Variants in AMN1 observed in about 807,000 individuals in gnomAD.
AMN1 encodes the protein antagonist of mitotic exit network 1 homolog, also known as protein AMN1 homolog.
AMN1 carries 20 observed loss-of-function variants against 33.0 expected under a neutral mutation model. That is an observed-to-expected ratio of 0.61 (90% CI 0.43 to 0.88). The LOEUF (loss-of-function observed/expected upper bound fraction) is 0.88. Ranked by LOEUF, AMN1 falls within the 40% of genes least tolerant of loss-of-function variation. AMN1 has a pLI of 0.00. For missense variants in AMN1, 246 were observed against 307.4 expected (o/e 0.80, Z 1.49); for synonymous variants, 114 against 111.9 (o/e 1.02, Z -0.12).
chr12:31,690,857 T>C (rs1938468503), intron 5 of AMN1, among the ~76,000 whole-genome samples: 3 of 152,158 alleles, frequency 2.0e-5, no homozygotes, highest in African/African-American at 7.2e-5. Flanking sequence ...AAAAAGGGGC[T>C]GAGTGTGGTG....
rs998025780 is a variant in AMN1 at position 31,683,840 on chromosome 12, T to C, written c.703+5167A>G. The stretch of plus-strand genomic sequence containing the variant: ...TGTAAGGTTATTCTTATTTGAGTAC[T>C]TGGCAGACTATTTCATGAAAATAGA... On this transcript the variant is annotated intron_variant, in intron 6 of 6. Transcript: ENST00000281471. The surrounding 1 kb of genome is among the most constrained non-coding windows in gnomAD (Gnocchi z 4.1). Among the ~76,000 whole-genome samples the C allele has an allele frequency of 1.3e-5, 2 of 152,190 alleles. No individual in the cohort carries two copies. The highest frequency in any genetic ancestry group is 4.8e-5 in the African/African-American group (2 of 41,440).
chr12:31,728,100 G>C (rs1435059200), intron 1 of AMN1, among the ~76,000 whole-genome samples: 1 of 152,018 alleles, frequency 6.6e-6, no homozygotes, highest in Non-Finnish European at 1.5e-5. Context: ...AGCTCAAGCA[G>C]TTCTCCCACC....
In AMN1 at chr12:31,687,571, T is replaced by C. The variant is rs1938318987; in HGVS notation, c.703+1436A>G. Among the ~76,000 whole-genome samples the C allele has an allele frequency of 6.6e-6, 1 of 151,714 alleles. No homozygotes were observed. On this transcript the variant is annotated intron_variant, in intron 6 of 6. Coordinates refer to ENST00000281471, the MANE Select transcript of AMN1 (RefSeq NM_001113402.2). The surrounding 1 kb of genome is among the most constrained non-coding windows in gnomAD (Gnocchi z 4.1). Reference sequence around the variant, plus strand: ...GGTGGCATGCGCCTGTAGTCCCAGCTACTTGGGAGGCTGAGGCAGGAGAAT... The same window carrying C: ...GGTGGCATGCGCCTGTAGTCCCAGCCACTTGGGAGGCTGAGGCAGGAGAAT...
rs1347620896 is a variant in AMN1, at chr12:31,728,976, C to T, written c.33G>A (p.Leu11=). The T allele has an allele frequency of 1.3e-6, 2 of 1,546,608 alleles. No homozygotes were observed. The highest frequency in any genetic ancestry group is 1.7e-6 in the Non-Finnish European group (2 of 1,143,992). The change falls in exon 1 of 7, where the codon CTG becomes CTA. Residue 11 remains leucine (L), a synonymous_variant. Coordinates refer to ENST00000281471, the MANE Select transcript of AMN1 (RefSeq NM_001113402.2). ...GCGGGACAGGGTAGACTCACAGATC[C>T]AGGAGCTGACTGACCCGCCGTGGGC... The part of the protein sequence containing the change: MPRPRRVSQL[L]DLCLWCFMKN...
At chr12:31,677,217 G>A (rs1158864255) in intron 6 of AMN1, among the ~76,000 whole-genome samples, 1 of 152,078 alleles carries the variant, frequency 6.6e-6, no homozygotes, top group Non-Finnish European at 1.5e-5. Flanking sequence ...GGAGAATGGC[G>A]TGAACCTGGG....
intron 1 of AMN1, among the ~76,000 whole-genome samples, chr12:31,726,139 G>A (rs1006509810): frequency 6.6e-6 from 1 of 150,576 alleles, no homozygotes; most frequent in Non-Finnish European, 1.5e-5. Context: ...TGTCAACGAA[G>A]CTAAAACTAA....
intron 1 of AMN1, among the ~76,000 whole-genome samples, chr12:31,710,470 GT>G (rs1482154733): frequency 6.6e-6 from 1 of 151,664 alleles, no homozygotes; most frequent in African/African-American, 2.4e-5. Flanking sequence ...TTCCTACACA[GT>G]TTCCTCTCTT....
chr12:31,703,308 A>G (rs1204899064), intron 2 of AMN1, among the ~76,000 whole-genome samples: 1 of 152,184 alleles, frequency 6.6e-6, no homozygotes, highest in African/African-American at 2.4e-5. Flanking sequence ...GCTTTTTAAA[A>G]CTGTTAGATT....
chr12:31,689,983 C>A lies in AMN1; in HGVS notation c.592-865G>T, dbSNP rs1025840880. 7.2e-5 allele frequency among the ~76,000 whole-genome samples: 11 copies of A among 152,306 alleles called. 1 individual carries two copies. Among genetic ancestry groups the A allele is most frequent in the East Asian group, 1.9e-4 (1 of 5,188 alleles). ...GCATTTGCATCCTCATAATTTAGCTCCTACTTATGAGTGAGAACGTATGAT... is the reference window on the plus strand; with the variant it reads ...GCATTTGCATCCTCATAATTTAGCTACTACTTATGAGTGAGAACGTATGAT... On this transcript the variant is annotated intron_variant, in intron 5 of 6. Coordinates refer to ENST00000281471, the MANE Select transcript of AMN1 (RefSeq NM_001113402.2).
At chr12:31,686,897 A>G (rs1243275020) in intron 6 of AMN1, among the ~76,000 whole-genome samples, 1 of 152,216 alleles carries the variant, frequency 6.6e-6, no homozygotes, top group Non-Finnish European at 1.5e-5. Context: ...AATAATCCAC[A>G]TGATATAAAA....
intron 6 of AMN1, among the ~76,000 whole-genome samples, chr12:31,678,890 T>G (rs1320019411): frequency 2.0e-5 from 3 of 152,094 alleles, no homozygotes; most frequent in Non-Finnish European, 4.4e-5. Context: ...AATGAATGAA[T>G]GAATAATGAG....
intron 1 of AMN1, chr12:31,714,941 T>A (rs1939612658): frequency 1.0e-6 from 1 of 980,568 alleles, no homozygotes; most frequent in Admixed American, 6.1e-5. Context: ...ACCATTCAAG[T>A]CCAGTAGCAT....
chr12:31,674,846 T>C lies in AMN1; in HGVS notation c.704-2469A>G, dbSNP rs564314738. On this transcript the variant is annotated intron_variant, in intron 6 of 6. Transcript: ENST00000281471. Reference sequence around the variant, plus strand: ...GCCTGGCTAAGATGGGAAAACCCCGTCTCTACTAAAAATACAAAAAAAAAA... The same window carrying C: ...GCCTGGCTAAGATGGGAAAACCCCGCCTCTACTAAAAATACAAAAAAAAAA... Among the ~76,000 whole-genome samples the C allele has an allele frequency of 4.6e-5, 7 of 150,800 alleles. No individual in the cohort carries two copies. The East Asian group carries it at 1.4e-3, about 30-fold the overall frequency.
intron 6 of AMN1, among the ~76,000 whole-genome samples, chr12:31,685,247 T>G (rs1007579447): frequency 6.6e-6 from 1 of 151,984 alleles, no homozygotes; most frequent in African/African-American, 2.4e-5. Flanking sequence ...CAGGTTGGTC[T>G]TGAACTCCTG....
chr12:31,696,319 C>T (rs1313611113), intron 5 of AMN1, among the ~76,000 whole-genome samples: 1 of 150,592 alleles, frequency 6.6e-6, no homozygotes, highest in Non-Finnish European at 1.5e-5. Flanking sequence ...ACTATGTTGC[C>T]AGGCTGGACT....
At chr12:31,674,009 T>G (rs1272108204) in intron 6 of AMN1, among the ~76,000 whole-genome samples, 1 of 152,090 alleles carries the variant, frequency 6.6e-6, no homozygotes, top group East Asian at 1.9e-4. Flanking sequence ...GAGGAAAGTC[T>G]TATCTTTTTT....
At chr12:31,690,015 C>T (rs1210200059) in intron 5 of AMN1, among the ~76,000 whole-genome samples, 1 of 152,290 alleles carries the variant, frequency 6.6e-6, no homozygotes, top group East Asian at 1.9e-4. Flanking sequence ...TGATGTTTGC[C>T]TTTCCATTCC....
chr12:31,678,569 G>C lies in AMN1; in HGVS notation c.704-6192C>G, dbSNP rs146511559. 3.0e-3 allele frequency among the ~76,000 whole-genome samples: 453 copies of C among 152,080 alleles called. 5 individuals carry two copies. The highest frequency in any genetic ancestry group is 0.01 in the African/African-American group (424 of 41,486). On this transcript the variant is annotated intron_variant, in intron 6 of 6. Transcript: ENST00000281471. ...CCACCACCACACCCGGCTAATTTTT[G>C]TATTTTTAGTAGAGATGGGGTTTCA...
At chr12:31,689,180 C>A in intron 5 of AMN1, 62 bp from the exon 6 acceptor site, 2 of 1,118,822 alleles carry the variant, frequency 1.8e-6, no homozygotes, top group East Asian at 2.6e-5. Context: ...ACAGTATGAA[C>A]AATTTTGAGA....
Sources: allele counts gnomAD v4.1 joint callset (sites outside exome capture counted in the v4.1 genomes callset), GRCh38; gene constraint gnomAD v4.1.1; non-coding constraint Gnocchi (gnomAD v3.1); transcripts MANE v1.5; gene names NCBI Gene and HGNC (gene_info 2026-07-23, HGNC 2026-07-21).